The following SREK1IP1 variants were observed in gnomAD, a reference collection of about 807,000 sequenced individuals.
SREK1IP1 encodes the protein SREK1 interacting protein 1.
Under a neutral mutation model 22.8 loss-of-function variants are expected in SREK1IP1, and 12 were observed. The observed-to-expected ratio is 0.53, with a 90% CI of 0.34 to 0.85. The LOEUF is 0.85. Among genes scored for constraint, SREK1IP1 ranks in the 40% least tolerant of loss-of-function variants. The pLI, the probability that SREK1IP1 is intolerant of heterozygous loss-of-function variation, is 0.02. For synonymous variants in SREK1IP1, 53 were observed against 52.7 expected (o/e 1.01, Z -0.02); for missense variants, 147 against 171.8 (o/e 0.86, Z 0.81).
At chr5:64,752,579 C>T (rs905356847) in intron 2 of SREK1IP1, among the ~76,000 whole-genome samples, 22 of 152,086 alleles carry the variant, frequency 1.4e-4, no homozygotes, top group African/African-American at 5.3e-4. Flanking sequence ...TTGAAATATA[C>T]TGAGAAATAA....
At chr5:64,735,120 G>T (rs1038432160) in intron 3 of SREK1IP1, among the ~76,000 whole-genome samples, 2 of 151,466 alleles carry the variant, frequency 1.3e-5, no homozygotes, top group Non-Finnish European at 2.9e-5. Flanking sequence ...AGAAGTATAT[G>T]ATGGACTTGC....
At chr5:64,757,457 T>G (rs1322434502) in intron 1 of SREK1IP1, among the ~76,000 whole-genome samples, 1 of 152,228 alleles carries the variant, frequency 6.6e-6, no homozygotes, top group Admixed American at 6.5e-5. Context: ...AATGCAAGTA[T>G]TGTTCTAATG....
intron 1 of SREK1IP1, among the ~76,000 whole-genome samples, chr5:64,757,772 G>C (rs553645374): frequency 6.6e-6 from 1 of 151,022 alleles, no homozygotes; most frequent in South Asian, 2.1e-4. Flanking sequence ...TCTTTTAAGA[G>C]GTAAAATGTC....
chr5:64,731,191 G>A (rs1742372137), intron 3 of SREK1IP1, among the ~76,000 whole-genome samples: 1 of 152,020 alleles, frequency 6.6e-6, no homozygotes, highest in South Asian at 2.1e-4. Flanking sequence ...GATGAGTTAG[G>A]GTGTTGTCAG....
At chr5:64,744,417 CTT>C (rs1742598483) in intron 2 of SREK1IP1, among the ~76,000 whole-genome samples, 1 of 152,156 alleles carries the variant, frequency 6.6e-6, no homozygotes, top group Non-Finnish European at 1.5e-5. Context: ...GCCTCAGTCT[CTT>C]CTTCTGTCTC....
intron 1 of SREK1IP1, among the ~76,000 whole-genome samples, chr5:64,760,979 C>G (rs1186668654): frequency 6.6e-6 from 1 of 152,142 alleles, no homozygotes; most frequent in Non-Finnish European, 1.5e-5. Flanking sequence ...AAATCTCCCT[C>G]AAACAAACAA....
chr5:64,768,663 C>A lies in SREK1IP1; in HGVS notation c.-146G>T. 3 of 1,081,258 alleles carry A rather than the reference C, an allele frequency of 2.8e-6. No homozygotes were observed. The highest frequency in any genetic ancestry group is 4.1e-6 in the Non-Finnish European group (3 of 727,956). The allele number at this position is 1,081,258 out of a possible 1,614,324, so 67.0% of individuals were successfully genotyped here. A position where few individuals can be genotyped will look rare whatever the true frequency, so the allele number is the denominator to read the frequency against. On this transcript the variant is annotated 5_prime_UTR_variant, in exon 1 of 5. Coordinates refer to ENST00000513458, the MANE Select transcript of SREK1IP1 (RefSeq NM_173829.4). ...TCGCTACGGTCGGGAAGGGCCTGTA[C>A]GCCTCTAGCGACGGCAGAACCAGTA...
At chr5:64,766,015 G>C (rs780366692) in intron 1 of SREK1IP1, among the ~76,000 whole-genome samples, 1 of 152,162 alleles carries the variant, frequency 6.6e-6, no homozygotes, top group Non-Finnish European at 1.5e-5. Context: ...CTACTGTGTA[G>C]GTTTATCTTT....
At chr5:64,762,336 T>C (rs1742964856) in intron 1 of SREK1IP1, among the ~76,000 whole-genome samples, 1 of 152,178 alleles carries the variant, frequency 6.6e-6, no homozygotes, top group Admixed American at 6.6e-5. Flanking sequence ...TTAGAGTCAA[T>C]TAGATTAATT....
rs1311333004 is a variant in SREK1IP1 at position 64,723,181 on chromosome 5, A to G, written c.*1203T>C. ...AGAAATTTAAAAAACGTATCTACTA[A>G]TATGTGTTTGAAAATGCTTACCCAT... is the stretch of plus-strand genomic sequence containing the variant. On this transcript the variant is annotated 3_prime_UTR_variant, in exon 5 of 5. Transcript: ENST00000513458. 1 of 152,212 alleles carries G rather than the reference A, an allele frequency of 6.6e-6. No individual in the cohort carries two copies. The highest frequency in any genetic ancestry group is 1.5e-5 in the Non-Finnish European group (1 of 68,024). 9.4% of individuals were successfully genotyped at this position (152,212 alleles called of 1,614,324 possible). A position where few individuals can be genotyped will look rare whatever the true frequency, so the allele number is the denominator to read the frequency against.
intron 3 of SREK1IP1, among the ~76,000 whole-genome samples, chr5:64,729,351 A>G (rs1002507948): frequency 1.3e-5 from 2 of 152,200 alleles, no homozygotes; most frequent in African/African-American, 4.8e-5. Flanking sequence ...TGTCAGGAAG[A>G]GGAAATTAGT....
chr5:64,745,023 C>G (rs1191271254), intron 2 of SREK1IP1, among the ~76,000 whole-genome samples: 1 of 152,152 alleles, frequency 6.6e-6, no homozygotes, highest in Non-Finnish European at 1.5e-5. Context: ...TGCCATACTG[C>G]CATCCCCAGG....
intron 2 of SREK1IP1, among the ~76,000 whole-genome samples, chr5:64,750,865 T>G (rs1332992005): frequency 6.6e-6 from 1 of 152,176 alleles, no homozygotes; most frequent in Non-Finnish European, 1.5e-5. Flanking sequence ...TGTCCTCTAA[T>G]GTTTCCCTCA....
At chr5:64,743,401 C>A (rs1223613510) in intron 2 of SREK1IP1, among the ~76,000 whole-genome samples, 1 of 152,178 alleles carries the variant, frequency 6.6e-6, no homozygotes. Flanking sequence ...ATAATTTCCA[C>A]ACAAAGATGA....
intron 3 of SREK1IP1, among the ~76,000 whole-genome samples, chr5:64,730,672 A>C (rs932424446): frequency 1.3e-5 from 2 of 152,168 alleles, no homozygotes; most frequent in African/African-American, 4.8e-5. Flanking sequence ...TTTGTCAATG[A>C]AAGAGGGAGT....
At chr5:64,762,885 C>G (rs1742974550) in intron 1 of SREK1IP1, among the ~76,000 whole-genome samples, 1 of 151,944 alleles carries the variant, frequency 6.6e-6, no homozygotes, top group Non-Finnish European at 1.5e-5. Flanking sequence ...AACTCCATCT[C>G]TACTAAAATT....
chr5:64,762,741 C>T (rs1203530552), intron 1 of SREK1IP1, among the ~76,000 whole-genome samples: 1 of 152,114 alleles, frequency 6.6e-6, no homozygotes, highest in Admixed American at 6.5e-5. Context: ...TAGCAGATGT[C>T]TTAATAGTCC....
chr5:64,766,723 G>C (rs189229560), intron 1 of SREK1IP1, among the ~76,000 whole-genome samples: 7 of 152,326 alleles, frequency 4.6e-5, no homozygotes, highest in Non-Finnish European at 1.0e-4. Flanking sequence ...CAGTCTAGAG[G>C]AACCAGACTG....
At chr5:64,752,206 C>A (rs1159083774) in intron 2 of SREK1IP1, among the ~76,000 whole-genome samples, 1 of 127,446 alleles carries the variant, frequency 7.8e-6, no homozygotes, top group African/African-American at 3.1e-5. Flanking sequence ...GGCTGGAGTG[C>A]AGTGGCGCAA....
Sources: allele counts gnomAD v4.1 joint callset (sites outside exome capture counted in the v4.1 genomes callset), GRCh38; gene constraint gnomAD v4.1.1; transcripts MANE v1.5; gene names NCBI Gene and HGNC (gene_info 2026-07-23, HGNC 2026-07-21).